Variants in NT5DC1 observed in about 807,000 individuals in gnomAD.
NT5DC1 encodes 5'-nucleotidase domain-containing protein 1.
A neutral mutation model predicts 59.4 loss-of-function variants in NT5DC1; 42 were observed. The observed-to-expected ratio is 0.71, with a 90% CI of 0.55 to 0.92. The LOEUF is 0.92. Among genes scored for constraint, NT5DC1 ranks in the 40% least tolerant of loss-of-function variants. NT5DC1 has a pLI of 0.00. For synonymous variants in NT5DC1, 172 were observed against 188.1 expected (o/e 0.91, Z 0.70); for missense variants, 501 against 537.1 (o/e 0.93, Z 0.66).
At chr6:116,106,489 GTAT>G (rs1238567612) in intron 2 of NT5DC1, among the ~76,000 whole-genome samples, 154 bp downstream of exon 2, 1 of 151,802 alleles carries the variant, frequency 6.6e-6, no homozygotes, top group Non-Finnish European at 1.5e-5. Flanking sequence ...TAAAAGTTTT[GTAT>G]TTAATGAATT....
chr6:116,196,746 G>A (rs954507649), intron 6 of NT5DC1, among the ~76,000 whole-genome samples: 4 of 151,884 alleles, frequency 2.6e-5, no homozygotes, highest in Admixed American at 2.6e-4. Context: ...ACTCTGCGGT[G>A]TTGGGAATGC....
intron 3 of NT5DC1, among the ~76,000 whole-genome samples, chr6:116,110,580 C>G (rs1216180295): frequency 2.0e-5 from 3 of 152,186 alleles, no homozygotes; most frequent in Non-Finnish European, 4.4e-5. Context: ...GACAACTTCT[C>G]TAAAAAAGGG....
At position 116,122,063 on chromosome 6, in the gene NT5DC1, G is replaced by A. The variant is rs556519497; in HGVS notation, c.529+4118G>A. 2.5e-5 allele frequency: 25 copies of A among 1,010,074 alleles called. No homozygotes were observed. The South Asian group carries it at 3.1e-4, about 12-fold the overall frequency. 62.6% of individuals were successfully genotyped at this position (1,010,074 alleles called of 1,614,324 possible). A position where few individuals can be genotyped will look rare whatever the true frequency, so the allele number is the denominator to read the frequency against. ...CTATGAATTGGGACACGATATTTCA[G>A]CATCATTTATTCCATGTAGACAGAA... On this transcript the variant is annotated intron_variant, in intron 6 of 11. Transcript: ENST00000319550.
chr6:116,163,141 A>AAAAAAATATATATAT (rs761718922), intron 6 of NT5DC1, among the ~76,000 whole-genome samples: 9 of 88,400 alleles, frequency 1.0e-4, no homozygotes, highest in African/African-American at 4.6e-4. Context: ...AAAAAAAAAA[A>AAAAAAATATATATAT]ATATATATAT....
At chr6:116,122,048 G>T (rs1353244588) in intron 6 of NT5DC1, 2 of 1,125,674 alleles carry the variant, frequency 1.8e-6, no homozygotes, top group Admixed American at 1.7e-5. Flanking sequence ...CTATGAATTG[G>T]GACACGATAT....
intron 6 of NT5DC1, among the ~76,000 whole-genome samples, chr6:116,161,564 T>A (rs1780330612): frequency 6.6e-6 from 1 of 152,172 alleles, no homozygotes; most frequent in African/African-American, 2.4e-5. Flanking sequence ...TTCTGGGTTC[T>A]CTATTCTGCT....
intron 6 of NT5DC1, chr6:116,121,865 C>T (rs756215724): frequency 6.2e-7 from 1 of 1,613,990 alleles, no homozygotes; most frequent in Non-Finnish European, 8.5e-7. Flanking sequence ...ACTTCCGTAG[C>T]CTGGTTTTCC....
At chr6:116,165,305 A>G (rs982267513) in intron 6 of NT5DC1, among the ~76,000 whole-genome samples, 2 of 152,106 alleles carry the variant, frequency 1.3e-5, no homozygotes, top group African/African-American at 4.8e-5. Flanking sequence ...TCTGATAACT[A>G]TATACCTTGG....
At chr6:116,242,525 A>C (rs543833185) in intron 11 of NT5DC1, among the ~76,000 whole-genome samples, 2 of 152,150 alleles carry the variant, frequency 1.3e-5, no homozygotes, top group African/African-American at 4.8e-5. Context: ...CATTAATATG[A>C]AACAAAGTAG....
chr6:116,248,671 CA>C lies in NT5DC1; in HGVS notation c.*4648del, dbSNP rs1283957116. ...AATTATGCAGTGTCACCACTACTCA[CA>C]GGGATTATGGCCTGAGAAACTAAAA... On this transcript the variant is annotated 3_prime_UTR_variant, in exon 12 of 12. Transcript: ENST00000319550. 2.6e-5 allele frequency: 4 copies of C among 152,282 alleles called. No homozygotes were observed. The East Asian group carries it at 7.7e-4, about 29-fold the overall frequency. The allele number at this position is 152,282 out of a possible 1,614,324, so 9.4% of individuals were successfully genotyped here.
chr6:116,163,258 T>A (rs1206649387), intron 6 of NT5DC1, among the ~76,000 whole-genome samples: 1 of 150,238 alleles, frequency 6.7e-6, no homozygotes, highest in Non-Finnish European at 1.5e-5. Context: ...TGTTTGTTTG[T>A]TTTGGTTGGT....
intron 6 of NT5DC1, among the ~76,000 whole-genome samples, chr6:116,198,813 T>A (rs1286234476): frequency 6.6e-6 from 1 of 152,016 alleles, no homozygotes; most frequent in African/African-American, 2.4e-5. Flanking sequence ...TGGGGACTTT[T>A]TCTTCTGATA....
chr6:116,178,520 C>G (rs1780802356), intron 6 of NT5DC1, among the ~76,000 whole-genome samples: 1 of 152,202 alleles, frequency 6.6e-6, no homozygotes. Context: ...AACTAACCGA[C>G]TTCCAGTCAT....
chr6:116,116,774 A>C (rs1197841840), intron 5 of NT5DC1, among the ~76,000 whole-genome samples: 2 of 152,186 alleles, frequency 1.3e-5, no homozygotes, highest in Non-Finnish European at 2.9e-5. Flanking sequence ...TAGAAATCTT[A>C]ATAACACAAG....
intron 6 of NT5DC1, among the ~76,000 whole-genome samples, chr6:116,184,470 A>G (rs1031357137): frequency 2.0e-5 from 3 of 151,972 alleles, no homozygotes; most frequent in African/African-American, 4.8e-5. Context: ...ATTGGTACCA[A>G]TTCTTTGAAT....
intron 1 of NT5DC1, among the ~76,000 whole-genome samples, chr6:116,101,837 A>C (rs1387595229): frequency 6.6e-6 from 1 of 152,168 alleles, no homozygotes; most frequent in African/African-American, 2.4e-5. Flanking sequence ...AGATTTTTTT[A>C]GTCCAAGATC....
chr6:116,138,571 C>T (rs1779682788), intron 6 of NT5DC1, among the ~76,000 whole-genome samples: 1 of 151,740 alleles, frequency 6.6e-6, no homozygotes, highest in Non-Finnish European at 1.5e-5. Flanking sequence ...GTGCGAATGT[C>T]GATATATTTG....
intron 5 of NT5DC1, 25 bp from the exon 6 acceptor site, chr6:116,117,836 G>T (rs1778997685): frequency 1.5e-6 from 2 of 1,326,876 alleles, no homozygotes. Context: ...TATTGTGTTT[G>T]TTTCATTTGG....
At chr6:116,118,887 A>C (rs1312819894) in intron 6 of NT5DC1, 6 of 152,196 alleles carry the variant, frequency 3.9e-5, no homozygotes, top group Non-Finnish European at 4.4e-5. Flanking sequence ...TCACCAATAT[A>C]GGGACATATC....
Sources: allele counts gnomAD v4.1 joint callset (sites outside exome capture counted in the v4.1 genomes callset), GRCh38; gene constraint gnomAD v4.1.1; transcripts MANE v1.5; gene names NCBI Gene and HGNC (gene_info 2026-07-23, HGNC 2026-07-21).